PTPRG: variants seen among roughly 807,000 people sequenced by gnomAD.
PTPRG encodes the protein protein tyrosine phosphatase receptor type G.
In PTPRG, 102 loss-of-function variants were observed where a neutral mutation model predicts 165.3. That is an observed-to-expected ratio of 0.62 (90% CI 0.53 to 0.73). PTPRG has a LOEUF of 0.73. Among genes scored for constraint, PTPRG ranks in the 30% least tolerant of loss-of-function variants. The pLI, the probability that PTPRG is intolerant of heterozygous loss-of-function variation, is 0.00. For missense variants in PTPRG, 1,866 were observed against 1,861.4 expected (o/e 1.00, Z -0.05); for synonymous variants, 675 against 669.5 (o/e 1.01, Z -0.13).
chr3:62,243,701 TG>T, intron 14 of PTPRG, 105 bp from the exon 15 acceptor site: 1 of 700,684 alleles, frequency 1.4e-6, no homozygotes, highest in Non-Finnish European at 2.4e-6. Context: ...CCCTCAGTGC[TG>T]TGTGATGTTT....
At chr3:61,980,453 T>C in intron 2 of PTPRG, among the ~76,000 whole-genome samples, 1 of 152,180 alleles carries the variant, frequency 6.6e-6, no homozygotes, top group East Asian at 1.9e-4. Context: ...CTTAGCCAAG[T>C]TCGTCCTTCT....
intron 2 of PTPRG, among the ~76,000 whole-genome samples, chr3:61,954,664 C>T (rs2039993194): frequency 6.6e-6 from 1 of 152,148 alleles, no homozygotes; most frequent in Non-Finnish European, 1.5e-5. Context: ...GAAGATTTGT[C>T]AGACACTGAC....
intron 2 of PTPRG, among the ~76,000 whole-genome samples, chr3:61,866,893 G>A (rs1426488207): frequency 6.6e-6 from 1 of 152,070 alleles, no homozygotes; most frequent in Non-Finnish European, 1.5e-5. Context: ...CACCGCACCC[G>A]GCCAAAGTGG....
In PTPRG at chr3:61,675,228, A is replaced by C. The variant is rs149212635; in HGVS notation, c.86-73650A>C. Reference sequence around the variant, plus strand: ...ATTTTTTCCCCTTAATGATACATTTATGTTGGTGGCTTGGATAACTTTTCC... The same window carrying C: ...ATTTTTTCCCCTTAATGATACATTTCTGTTGGTGGCTTGGATAACTTTTCC... On this transcript the variant is annotated intron_variant, in intron 1 of 29. Coordinates refer to ENST00000474889, the MANE Select transcript of PTPRG (RefSeq NM_002841.4). 1.9e-3 allele frequency among the ~76,000 whole-genome samples: 295 copies of C among 152,306 alleles called. 2 individuals carry two copies. The highest frequency in any genetic ancestry group is 6.7e-3 in the African/African-American group (279 of 41,566).
intron 14 of PTPRG, among the ~76,000 whole-genome samples, chr3:62,241,656 A>G (rs921398991): frequency 6.6e-6 from 1 of 152,102 alleles, no homozygotes; most frequent in African/African-American, 2.4e-5. Context: ...AATCTACAAT[A>G]TAGTATATAT....
At chr3:61,867,381 G>A (rs1489427303) in intron 2 of PTPRG, among the ~76,000 whole-genome samples, 1 of 152,202 alleles carries the variant, frequency 6.6e-6, no homozygotes, top group Non-Finnish European at 1.5e-5. Context: ...TAACTGGTTA[G>A]TGTAAGAGGC....
chr3:61,714,486 A>G (rs889242912), intron 1 of PTPRG, among the ~76,000 whole-genome samples: 3 of 152,194 alleles, frequency 2.0e-5, no homozygotes, highest in Non-Finnish European at 4.4e-5. Flanking sequence ...CTATGTGCCG[A>G]AGATGGGAGA....
chr3:62,282,622 AG>A (rs1323881405), intron 27 of PTPRG, 104 bp from the exon 28 acceptor site: 1 of 1,107,050 alleles, frequency 9.0e-7, no homozygotes, highest in African/African-American at 1.6e-5. Flanking sequence ...AACATTGTTG[AG>A]AGTTACCTAT....
At chr3:61,877,370 T>C (rs1394250548) in intron 2 of PTPRG, among the ~76,000 whole-genome samples, 16 of 152,234 alleles carry the variant, frequency 1.1e-4, no homozygotes, top group South Asian at 1.0e-3. Context: ...CCTCAGAAGT[T>C]AATTTAGGGT....
chr3:61,685,077 A>T (rs1703577468), intron 1 of PTPRG, among the ~76,000 whole-genome samples: 2 of 152,010 alleles, frequency 1.3e-5, no homozygotes, highest in South Asian at 4.2e-4. Context: ...CGCCTCTCTC[A>T]TTCTCTTTCT....
chr3:61,682,430 T>G (rs1342070456), intron 1 of PTPRG, among the ~76,000 whole-genome samples: 1 of 152,168 alleles, frequency 6.6e-6, no homozygotes, highest in Admixed American at 6.5e-5. Context: ...ATGTTGACAG[T>G]AATGGGTATG....
At chr3:61,679,917 C>T (rs111332150) in intron 1 of PTPRG, among the ~76,000 whole-genome samples, 397 of 152,328 alleles carry the variant, frequency 2.6e-3, no homozygotes, top group Non-Finnish European at 3.9e-3. Flanking sequence ...AAAATCTTGA[C>T]ACCTTACTCT....
chr3:62,252,241 A>G lies in PTPRG; in HGVS notation c.2468-2883A>G, dbSNP rs1464774785. Among the ~76,000 whole-genome samples the G allele has an allele frequency of 6.6e-6, 1 of 152,160 alleles. No individual in the cohort carries two copies. Among genetic ancestry groups the G allele is most frequent in the Admixed American group, 6.6e-5 (1 of 15,266 alleles). On this transcript the variant is annotated intron_variant, in intron 15 of 29. Transcript: ENST00000474889. The surrounding 1 kb of genome is among the most constrained non-coding windows in gnomAD (Gnocchi z 4.6). ...CCCTTGTGTTCATCTCTTCACCAACACAAATGTCCTTGAGCAGAGACCATC... is the reference window on the plus strand; with the variant it reads ...CCCTTGTGTTCATCTCTTCACCAACGCAAATGTCCTTGAGCAGAGACCATC...
chr3:61,673,570 C>T (rs1001359572), intron 1 of PTPRG, among the ~76,000 whole-genome samples: 3 of 152,100 alleles, frequency 2.0e-5, no homozygotes, highest in African/African-American at 7.2e-5. Flanking sequence ...ATATGGAATT[C>T]TTTTATTATT....
intron 1 of PTPRG, chr3:61,659,478 G>T: frequency 2.0e-6 from 2 of 980,692 alleles, no homozygotes; most frequent in Non-Finnish European, 2.4e-6. Context: ...GACCAGGAAG[G>T]AGAGTCAGAA....
chr3:61,663,013 G>A (rs1702709479), intron 1 of PTPRG, among the ~76,000 whole-genome samples: 1 of 152,124 alleles, frequency 6.6e-6, no homozygotes, highest in South Asian at 2.1e-4. Context: ...GCCAGGTATG[G>A]TGGCTCACAC....
chr3:62,277,316 T>A (rs1390523324), intron 25 of PTPRG, among the ~76,000 whole-genome samples: 1 of 152,156 alleles, frequency 6.6e-6, no homozygotes, highest in East Asian at 1.9e-4. Context: ...TGTTGAAATT[T>A]CCCTTAAGTG....
intron 2 of PTPRG, among the ~76,000 whole-genome samples, chr3:61,951,837 C>T (rs890481452): frequency 7.2e-5 from 11 of 151,946 alleles, no homozygotes; most frequent in Admixed American, 2.6e-4. Context: ...ATGATAGAAT[C>T]GGCCTGGCGT....
At chr3:62,039,226 C>A (rs1700048591) in intron 4 of PTPRG, among the ~76,000 whole-genome samples, 1 of 151,622 alleles carries the variant, frequency 6.6e-6, no homozygotes, top group Non-Finnish European at 1.5e-5. Context: ...TGAGCCACCA[C>A]CCCTAGCCAA....
Sources: allele counts gnomAD v4.1 joint callset (sites outside exome capture counted in the v4.1 genomes callset), GRCh38; gene constraint gnomAD v4.1.1; non-coding constraint Gnocchi (gnomAD v3.1); transcripts MANE v1.5; gene names NCBI Gene and HGNC (gene_info 2026-07-23, HGNC 2026-07-21).